The following PALB2 variants were observed in gnomAD, a reference collection of about 807,000 sequenced individuals.
The protein encoded by PALB2 is mutant partner and localizer of BRCA2.
PALB2 carries 82 observed loss-of-function variants against 107.4 expected under a neutral mutation model. The observed-to-expected ratio is 0.76, with a 90% confidence interval of 0.64 to 0.92. The LOEUF is 0.92. PALB2 is among the 40% of genes least tolerant of loss of function. The probability of loss-of-function intolerance (pLI) is 0.00; values close to 1 mark genes in which losing one functional copy is unlikely to be tolerated. For synonymous variants in PALB2, 489 were observed against 496.8 expected, an observed-to-expected ratio of 0.98 and a Z score of 0.21; for missense variants, 1,374 against 1,379.9, an observed-to-expected ratio of 1.00 and a Z score of 0.07.
rs1043578258 is a variant in PALB2, at chr16:23,636,261, C to G, written c.285G>C (p.Lys95Asn). 2.5e-6 allele frequency: 4 copies of G among 1,613,728 alleles called. No individual in the cohort carries two copies. Among genetic ancestry groups the G allele is most frequent in the Non-Finnish European group, 2.5e-6 (3 of 1,179,880 alleles). ...KTHLDEETGE[K>N]TSITLDVGPE... is the part of the protein sequence containing the mutation. ...GCCCAACATCAAGTGTGATAGATGT[C>G]TTTTCTCCAGTTTCTTCATCAAGAT... The change falls in exon 4 of 13, where the codon AAG becomes AAC. Residue 95 changes from lysine (K) to asparagine (N), a missense_variant. Coordinates refer to ENST00000261584, the MANE Select transcript of PALB2 (RefSeq NM_024675.4).
At chr16:23,640,836 G>C (rs948333796) in intron 1 of PALB2, 3 of 406,996 alleles carry the variant, frequency 7.4e-6, no homozygotes, top group Non-Finnish European at 8.8e-6. Context: ...GTGTGGGAGG[G>C]GGGAGGAGCA....
intron 6 of PALB2, among the ~76,000 whole-genome samples, chr16:23,627,283 C>T (rs962175785): frequency 3.3e-5 from 5 of 151,310 alleles, no homozygotes; most frequent in Admixed American, 1.3e-4. Context: ...GTCAGGAGAT[C>T]GAGACCATCC....
chr16:23,640,414 G>C (rs1006694399), intron 1 of PALB2: 3 of 201,994 alleles, frequency 1.5e-5, no homozygotes, highest in African/African-American at 6.9e-5. Flanking sequence ...TGAGGCAGGA[G>C]AGTCGCTTGA....
intron 11 of PALB2, among the ~76,000 whole-genome samples, chr16:23,613,592 T>C (rs1356687032): frequency 3.3e-5 from 5 of 151,216 alleles, no homozygotes; most frequent in African/African-American, 1.2e-4. Context: ...TGCAGTGAGC[T>C]GAGATCGCGC....
At chr16:23,613,153 T>C (rs1480783012) in intron 11 of PALB2, among the ~76,000 whole-genome samples, 1 of 152,144 alleles carries the variant, frequency 6.6e-6, no homozygotes, top group Non-Finnish European at 1.5e-5. Flanking sequence ...CATTTCTATG[T>C]ATTGGGAACA....
chr16:23,633,349 G>C (rs1966906331), intron 4 of PALB2, among the ~76,000 whole-genome samples: 1 of 152,112 alleles, frequency 6.6e-6, no homozygotes, highest in Non-Finnish European at 1.5e-5. Context: ...AAGGTGCGTT[G>C]GAACACAGTC....
At chr16:23,611,077 A>AGTCT (rs200966935) in intron 11 of PALB2, among the ~76,000 whole-genome samples, 1,899 of 135,186 alleles carry the variant, frequency 0.014, 17 homozygotes, top group Non-Finnish European at 0.021. Context: ...TTCAACTGTC[A>AGTCT]GTCTATCTAT....
At chr16:23,633,863 C>T (rs910761699) in intron 4 of PALB2, among the ~76,000 whole-genome samples, 3 of 152,110 alleles carry the variant, frequency 2.0e-5, no homozygotes, top group African/African-American at 7.2e-5. Context: ...ACCACCACAC[C>T]TGGCTAATTT....
chr16:23,634,820 T>TTCA lies in PALB2; in HGVS notation c.1684+39_1684+41dup, dbSNP rs368593832. The TTCA allele has an allele frequency of 2.5e-3, 3,905 of 1,582,734 alleles. 24 individuals are homozygous for TTCA. Among genetic ancestry groups the TTCA allele is most frequent in the South Asian group, 0.01 (891 of 87,834 alleles). On this transcript the variant is annotated intron_variant, in intron 4 of 12. Transcript: ENST00000261584. ...GCCAGGCAAATAGTAATTGTTAACT[T>TTCA]TCATCATCATCATCATCATCATCAA...
intron 7 of PALB2, among the ~76,000 whole-genome samples, chr16:23,625,070 T>G (rs1247575250): frequency 6.7e-6 from 1 of 149,388 alleles, no homozygotes; most frequent in Non-Finnish European, 1.5e-5. Context: ...GTAGAGCTCA[T>G]GCCTGTAACC....
intron 4 of PALB2, among the ~76,000 whole-genome samples, chr16:23,633,085 A>G (rs940831843): frequency 6.6e-6 from 1 of 152,128 alleles, no homozygotes; most frequent in African/African-American, 2.4e-5. Context: ...CAAGGGTGAA[A>G]CTGTCTCAAC....
Position 23,621,349 on chromosome 16 carries a change from A to AG in PALB2, c.3113+12dup. The AG allele has an allele frequency of 6.4e-7, 1 of 1,557,446 alleles. No individual in the cohort carries two copies. The highest frequency in any genetic ancestry group is 8.9e-7 in the Non-Finnish European group (1 of 1,128,466). On this transcript the variant is annotated intron_variant, in intron 10 of 12. Transcript: ENST00000261584. ...ACAGATGAGGGAACTGAGGACCTAGAGGGAAAGCTTACCAAATAACAATGT... is the reference window on the plus strand; with the variant it reads ...ACAGATGAGGGAACTGAGGACCTAGAGGGGAAAGCTTACCAAATAACAATGT...
chr16:23,625,257 C>T (rs1224445056), intron 7 of PALB2, among the ~76,000 whole-genome samples: 1 of 151,708 alleles, frequency 6.6e-6, no homozygotes, highest in Non-Finnish European at 1.5e-5. Context: ...TGCTTGAACC[C>T]GGGAAGCGGA....
chr16:23,618,949 AT>A (rs949404424), intron 10 of PALB2, among the ~76,000 whole-genome samples: 1 of 152,184 alleles, frequency 6.6e-6, no homozygotes, highest in African/African-American at 2.4e-5. Flanking sequence ...ACATAGTCAA[AT>A]TTCAGAGGCT....
intron 1 of PALB2, chr16:23,640,839 G>A (rs1181640792): frequency 2.4e-6 from 1 of 409,428 alleles, no homozygotes; most frequent in Non-Finnish European, 4.4e-6. Context: ...TGGGAGGGGG[G>A]AGGAGCAAGG....
chr16:23,625,612 T>C (rs1377061863), intron 7 of PALB2, among the ~76,000 whole-genome samples: 1 of 151,762 alleles, frequency 6.6e-6, no homozygotes, highest in East Asian at 2.0e-4. Context: ...CTGGGCAACA[T>C]GGCAAAATCC....
intron 4 of PALB2, among the ~76,000 whole-genome samples, chr16:23,633,712 G>GT (rs1307021613): frequency 2.0e-4 from 30 of 150,648 alleles, no homozygotes; most frequent in East Asian, 5.8e-4. Context: ...TCTTAGTCTT[G>GT]TTTTTTTTTG....
Position 23,621,320 on chromosome 16 carries a change from T to C in PALB2, c.3113+42A>G, listed in dbSNP as rs766589164. ...CTGTAAAATTAGAGGTATATCCTCA[T>C]ACTACAGATGAGGGAACTGAGGACC... On this transcript the variant is annotated intron_variant, in intron 10 of 12. Transcript: ENST00000261584. 3.8e-5 allele frequency: 48 copies of C among 1,255,244 alleles called. No homozygotes were observed. The Admixed American group carries it at 5.2e-4, about 14-fold the overall frequency. The allele number at this position is 1,255,244 out of a possible 1,614,324, so 77.8% of individuals were successfully genotyped here.
At chr16:23,615,357 T>C (rs57274403) in intron 10 of PALB2, among the ~76,000 whole-genome samples, 5,079 of 152,150 alleles carry the variant, frequency 0.033, 118 homozygotes, top group Middle Eastern at 0.088. Flanking sequence ...CAAGCTGGAG[T>C]GTGGTGGCGT....
Sources: allele counts gnomAD v4.1 joint callset (sites outside exome capture counted in the v4.1 genomes callset), GRCh38; gene constraint gnomAD v4.1.1; transcripts MANE v1.5; gene names NCBI Gene and HGNC (gene_info 2026-07-23, HGNC 2026-07-21).